The following LARGE1 variants were observed in gnomAD, a reference collection of about 807,000 sequenced individuals.
LARGE1 encodes the protein LARGE xylosyl- and glucuronyltransferase 1, also known as xylosyl- and glucuronyltransferase LARGE1.
A neutral mutation model predicts 87.6 loss-of-function variants in LARGE1; 43 were observed. The ratio of observed to expected loss-of-function variants is 0.49; its 90% CI spans 0.38 to 0.63. LARGE1 has a LOEUF of 0.63. LARGE1 is among the 30% of genes least tolerant of loss of function. The pLI is 0.00. For synonymous variants in LARGE1, 434 were observed against 394.6 expected (o/e 1.10, Z -1.18); for missense variants, 802 against 1,000.2 (o/e 0.80, Z 2.67).
At chr22:33,914,399 C>A (rs147643616) in intron 1 of LARGE1, among the ~76,000 whole-genome samples, 1 of 152,148 alleles carries the variant, frequency 6.6e-6, no homozygotes, top group African/African-American at 2.4e-5. Flanking sequence ...TTGCAAAATC[C>A]GGAGAGGTCA....
chr22:33,283,460 C>T (rs1930878441), intron 12 of LARGE1, 112 bp from the exon 13 acceptor site: 6 of 1,179,792 alleles, frequency 5.1e-6, no homozygotes, highest in South Asian at 3.7e-5. Flanking sequence ...AAAGAAAGCT[C>T]AGGTCATCCT....
chr22:33,152,942 T>C, the LARGE1 span, among the ~76,000 whole-genome samples: 2 of 152,212 alleles, frequency 1.3e-5, no homozygotes, highest in Non-Finnish European at 2.9e-5. Flanking sequence ...TGTCTTCTGC[T>C]GTGTTTACTT....
At chr22:33,360,790 C>T (rs2064360175) in intron 9 of LARGE1, among the ~76,000 whole-genome samples, 1 of 149,728 alleles carries the variant, frequency 6.7e-6, no homozygotes, top group Non-Finnish European at 1.5e-5. Context: ...TCCTGCCCAG[C>T]CCACCGCCAC....
intron 10 of LARGE1, among the ~76,000 whole-genome samples, chr22:33,324,228 C>CAAAAAAAAAAAAA: frequency 9.3e-5 from 1 of 10,740 alleles, no homozygotes; most frequent in Non-Finnish European, 1.6e-4. Context: ...GACTCCATCT[C>CAAAAAAAAAAAAA]AAAAAAAAAA....
intron 2 of LARGE1, among the ~76,000 whole-genome samples, chr22:33,707,148 T>A (rs935446235): frequency 6.6e-6 from 1 of 152,170 alleles, no homozygotes; most frequent in Non-Finnish European, 1.5e-5. Context: ...ATATCATGGC[T>A]ACTAAAGATG....
At chr22:33,296,320 G>C (rs1318774963) in intron 12 of LARGE1, among the ~76,000 whole-genome samples, 1 of 152,198 alleles carries the variant, frequency 6.6e-6, no homozygotes, top group African/African-American at 2.4e-5. Flanking sequence ...TTCTCTGTGA[G>C]CTGGGGACTG....
intron 2 of LARGE1, among the ~76,000 whole-genome samples, chr22:33,672,615 C>T (rs1039709227): frequency 6.6e-6 from 1 of 152,206 alleles, no homozygotes; most frequent in Non-Finnish European, 1.5e-5. Context: ...CTGGTTGAGA[C>T]ACATTCTCTA....
chr22:33,101,483 C>T, the LARGE1 span, among the ~76,000 whole-genome samples: 650 of 152,286 alleles, frequency 4.3e-3, 3 homozygotes, highest in African/African-American at 0.014. Flanking sequence ...CTCCTTTTCT[C>T]ATGTATCTCC....
At chr22:33,614,039 A>T (rs1473459086) in intron 4 of LARGE1, among the ~76,000 whole-genome samples, 1 of 151,938 alleles carries the variant, frequency 6.6e-6, no homozygotes, top group African/African-American at 2.4e-5. Flanking sequence ...AAGGCAGCTT[A>T]GCTTAATGGT....
exon 12 of LARGE1, chr22:33,165,516 T>C (rs1922222317): frequency 1.3e-5 from 2 of 152,228 alleles, no homozygotes; most frequent in South Asian, 4.1e-4. Flanking sequence ...TTTTTAAATC[T>C]ACCTGTACTT....
the LARGE1 span, among the ~76,000 whole-genome samples, chr22:33,091,711 G>A: frequency 5.9e-5 from 9 of 152,296 alleles, no homozygotes; most frequent in South Asian, 8.3e-4. Context: ...CCTTCAGGGC[G>A]GTGTGAAAGG....
At chr22:33,278,588 C>A (rs893788826) in intron 13 of LARGE1, among the ~76,000 whole-genome samples, 1 of 150,534 alleles carries the variant, frequency 6.6e-6, no homozygotes, top group African/African-American at 2.5e-5. Flanking sequence ...CACACACACA[C>A]GCAGATATTG....
intron 11 of LARGE1, among the ~76,000 whole-genome samples, chr22:33,191,131 A>T (rs945153634): frequency 6.6e-6 from 1 of 152,232 alleles, no homozygotes; most frequent in Non-Finnish European, 1.5e-5. Context: ...TGAATGAATT[A>T]TTGAATACAT....
chr22:33,876,607 T>C (rs1352979924), intron 1 of LARGE1, among the ~76,000 whole-genome samples: 2 of 140,146 alleles, frequency 1.4e-5, no homozygotes, highest in Admixed American at 7.5e-5. Flanking sequence ...TGAGAATGCA[T>C]GGACACAGGG....
intron 6 of LARGE1, among the ~76,000 whole-genome samples, chr22:33,523,353 G>A (rs892789428): frequency 5.9e-5 from 9 of 151,742 alleles, no homozygotes; most frequent in African/African-American, 7.3e-5. Context: ...TTATTTTTGC[G>A]AGGCAGAAGT....
intron 6 of LARGE1, among the ~76,000 whole-genome samples, chr22:33,540,930 T>C (rs985580071): frequency 6.6e-6 from 1 of 151,098 alleles, no homozygotes; most frequent in Non-Finnish European, 1.5e-5. Flanking sequence ...GCACAGGAGT[T>C]CAAGACCAGC....
At chr22:33,677,364 CAT>C (rs991042227) in intron 2 of LARGE1, among the ~76,000 whole-genome samples, 2 of 150,506 alleles carry the variant, frequency 1.3e-5, no homozygotes, top group Non-Finnish European at 3.0e-5. Context: ...AACATAAACA[CAT>C]AAACAATGGA....
intron 6 of LARGE1, among the ~76,000 whole-genome samples, chr22:33,555,531 G>A (rs1189742272): frequency 1.3e-5 from 2 of 152,146 alleles, no homozygotes; most frequent in Admixed American, 1.3e-4. Context: ...GAAGGGCTGG[G>A]ATTATGGTAG....
chr22:33,223,203 T>C (rs1333280451), intron 11 of LARGE1, among the ~76,000 whole-genome samples: 1 of 152,202 alleles, frequency 6.6e-6, no homozygotes, highest in African/African-American at 2.4e-5. Context: ...GTGGAGAAAG[T>C]AGACTGTTAT....
Sources: allele counts gnomAD v4.1 joint callset (sites outside exome capture counted in the v4.1 genomes callset), GRCh38; gene constraint gnomAD v4.1.1; transcripts MANE v1.5; gene names NCBI Gene and HGNC (gene_info 2026-07-23, HGNC 2026-07-21).